The following STOX2 variants were observed in gnomAD, a reference collection of about 807,000 sequenced individuals.
The protein encoded by STOX2 is storkhead box 2.
In STOX2, 28 loss-of-function variants were observed where a neutral mutation model predicts 60.9. The observed-to-expected ratio is 0.46, with a 90% CI of 0.34 to 0.63. STOX2 has a LOEUF of 0.63. Among genes scored for constraint, STOX2 ranks in the 30% least tolerant of loss-of-function variants. STOX2 has a pLI of 0.01. For synonymous variants in STOX2, 472 were observed against 463.9 expected (o/e 1.02, Z -0.22); for missense variants, 1,024 against 1,187.7 (o/e 0.86, Z 2.03).
intron 1 of STOX2, among the ~76,000 whole-genome samples, chr4:183,853,131 A>C (rs781593625): frequency 3.9e-5 from 6 of 152,320 alleles, no homozygotes; most frequent in East Asian, 1.9e-4. Context: ...AATGAAATCA[A>C]AGTAAGGCAT....
At chr4:183,998,856 G>C (rs1282758944) in intron 1 of STOX2, among the ~76,000 whole-genome samples, 3 of 151,526 alleles carry the variant, frequency 2.0e-5, no homozygotes, top group Admixed American at 2.0e-4. Context: ...TTAGGTTTTA[G>C]AGTAAGACTT....
chr4:183,859,770 T>A (rs1740388164), intron 1 of STOX2, among the ~76,000 whole-genome samples: 1 of 152,274 alleles, frequency 6.6e-6, no homozygotes, highest in Non-Finnish European at 1.5e-5. Context: ...GTCACTGGGA[T>A]GATCCAAATG....
At chr4:183,931,083 T>C (rs1396085071) in intron 1 of STOX2, among the ~76,000 whole-genome samples, 2 of 152,130 alleles carry the variant, frequency 1.3e-5, no homozygotes, top group South Asian at 2.1e-4. Context: ...TTTTTCCTTG[T>C]AATTTCTCAA....
intron 1 of STOX2, among the ~76,000 whole-genome samples, chr4:183,812,883 A>C (rs1436490807): frequency 6.6e-6 from 1 of 152,200 alleles, no homozygotes; most frequent in Admixed American, 6.5e-5. Flanking sequence ...TTTTGTTCTC[A>C]TACCAAAAAG....
chr4:183,953,315 G>A (rs532244899), intron 1 of STOX2, among the ~76,000 whole-genome samples: 1 of 152,206 alleles, frequency 6.6e-6, no homozygotes, highest in South Asian at 2.1e-4. Context: ...ACACAGGGGT[G>A]GTATATGGGT....
Position 184,001,336 on chromosome 4 carries a change from C to G in STOX2, c.178C>G (p.Pro60Ala), listed in dbSNP as rs779216666. The G allele has an allele frequency of 1.3e-5, 21 of 1,613,654 alleles. No individual in the cohort carries two copies. The highest frequency in any genetic ancestry group is 1.8e-5 in the Non-Finnish European group (21 of 1,179,790). The change falls in exon 2 of 4, where the codon CCC becomes GCC. Residue 60 changes from proline to alanine, a missense_variant. Physicochemically the swap from Pro to Ala is conservative, Grantham distance 27 (BLOSUM62 -1). Around this residue, in one of 3 missense-constraint regions of STOX2, gnomAD observed 98 missense variants for 110.2 expected, o/e 0.89. Coordinates refer to ENST00000308497, the MANE Select transcript of STOX2 (RefSeq NM_020225.3). The surrounding 1 kb of genome is among the most constrained non-coding windows in gnomAD (Gnocchi z 4.2). Reference protein sequence around the residue: ...RGYMTSGDVSPISMSPISQSQ... With the variant: ...RGYMTSGDVSAISMSPISQSQ... The stretch of plus-strand genomic sequence containing the variant: ...TTGTCTTTCTGCAGGTGATGTATCA[C>G]CCATCAGTATGTCTCCCATCAGTCA...
intron 1 of STOX2, chr4:183,988,013 C>T (rs1199898356): frequency 6.6e-6 from 1 of 151,990 alleles, no homozygotes; most frequent in Admixed American, 6.6e-5. Context: ...TTACCTTTTT[C>T]ATGATTAAAA....
intron 1 of STOX2, among the ~76,000 whole-genome samples, chr4:183,973,204 A>G (rs1743793486): frequency 6.6e-6 from 1 of 152,234 alleles, no homozygotes; most frequent in South Asian, 2.1e-4. Flanking sequence ...TCAAAGACGT[A>G]AGCTTTTAAA....
chr4:183,892,833 GTAGGTA>G (rs3041837), intron 1 of STOX2, among the ~76,000 whole-genome samples: 137,403 of 152,104 alleles, frequency 0.9, 62,598 homozygotes, highest in Admixed American at 0.96. Flanking sequence ...CTACCAATTA[GTAGGTA>G]ACAGTTAGCA....
At chr4:183,858,986 G>A (rs1189368489) in intron 1 of STOX2, among the ~76,000 whole-genome samples, 2 of 152,064 alleles carry the variant, frequency 1.3e-5, no homozygotes, top group Non-Finnish European at 2.9e-5. Context: ...AAAAGCACAG[G>A]CAGCTTCCTA....
chr4:184,001,463 C>A lies in STOX2; in HGVS notation c.305C>A (p.Thr102Asn). 6.2e-7 allele frequency: 1 copy of A among 1,613,748 alleles called. No homozygotes were observed. The highest frequency in any genetic ancestry group is 1.1e-5 in the South Asian group (1 of 91,042). ...VTQEALMEHL[T>N]TCFPGVPTPS... is the part of the protein sequence containing the mutation. ...CAAGAAGCACTGATGGAGCACCTGACCACGTGCTTCCCAGGTAACGAGGCG... is the reference window on the plus strand; with the variant it reads ...CAAGAAGCACTGATGGAGCACCTGAACACGTGCTTCCCAGGTAACGAGGCG... Residue 102 changes from threonine to asparagine, a missense_variant, in exon 2 of 4, where the codon ACC becomes AAC. Coordinates refer to ENST00000308497, the MANE Select transcript of STOX2 (RefSeq NM_020225.3). The surrounding 1 kb of genome is among the most constrained non-coding windows in gnomAD (Gnocchi z 4.2).
chr4:184,009,374 C>T lies in STOX2; in HGVS notation c.536C>T (p.Thr179Met), dbSNP rs371082829. The change falls in exon 3 of 4, where the codon ACG becomes ATG. Residue 179 changes from threonine (T) to methionine (M), a missense_variant. Thr to Met is a moderately conservative substitution (Grantham distance 81, BLOSUM62 -1). This residue lies in a region of STOX2 where 922 missense variants were observed against 1,058.3 expected (regional missense o/e 0.87). Transcript: ENST00000308497. This position sits in a 1 kb window ranked among gnomAD's most constrained non-coding sequence, Gnocchi z 4.0. Reference sequence around the variant, plus strand: ...ACCTCTCCGCAACCCGGGACCATCACGCCCTCTGCCTCAGGCTGTGTCAGG... The same window carrying T: ...ACCTCTCCGCAACCCGGGACCATCATGCCCTCTGCCTCAGGCTGTGTCAGG... ...QCTSPQPGTI[T>M]PSASGCVRER... is the part of the protein sequence containing the mutation. The T allele has an allele frequency of 1.2e-5, 19 of 1,613,912 alleles. No homozygotes were observed. Among genetic ancestry groups the T allele is most frequent in the African/African-American group, 5.3e-5 (4 of 74,926 alleles).
At chr4:183,874,923 CAAAAAAAAAAAAAAA>C (rs869044658) in intron 1 of STOX2, among the ~76,000 whole-genome samples, 1 of 20,618 alleles carries the variant, frequency 4.9e-5, no homozygotes, top group African/African-American at 2.3e-4. Flanking sequence ...GACTCCGCCT[CAAAAAAAAAAAAAAA>C]AAAAAAAAAA....
At chr4:183,999,580 G>C (rs1389306130) in intron 1 of STOX2, among the ~76,000 whole-genome samples, 1 of 152,156 alleles carries the variant, frequency 6.6e-6, no homozygotes, top group Non-Finnish European at 1.5e-5. Context: ...CCAGGGAAAG[G>C]GGGGCGTTGA....
At chr4:183,923,441 G>A (rs1742156917) in intron 1 of STOX2, among the ~76,000 whole-genome samples, 1 of 152,164 alleles carries the variant, frequency 6.6e-6, no homozygotes, top group Admixed American at 6.5e-5. Context: ...TGTGTTGTCT[G>A]CTGCACAGAG....
chr4:183,953,426 C>G (rs560542143), intron 1 of STOX2, among the ~76,000 whole-genome samples: 14 of 152,308 alleles, frequency 9.2e-5, no homozygotes, highest in Admixed American at 9.2e-4. Flanking sequence ...TCCCCTCCCA[C>G]TAGAGGTCCT....
chr4:183,919,159 T>A (rs1043381792), intron 1 of STOX2, among the ~76,000 whole-genome samples: 2 of 152,200 alleles, frequency 1.3e-5, no homozygotes, highest in Non-Finnish European at 2.9e-5. Flanking sequence ...AGCATGCAGA[T>A]CTTGTTTTTC....
At chr4:183,955,121 T>C (rs929139545) in intron 1 of STOX2, among the ~76,000 whole-genome samples, 1 of 152,376 alleles carries the variant, frequency 6.6e-6, no homozygotes, top group East Asian at 1.9e-4. Context: ...TTTATTACTT[T>C]GGATTTTATC....
At chr4:183,868,138 A>G (rs1740613736) in intron 1 of STOX2, among the ~76,000 whole-genome samples, 1 of 149,462 alleles carries the variant, frequency 6.7e-6, no homozygotes, top group Non-Finnish European at 1.5e-5. Context: ...GTGGCATCTG[A>G]GGAGAAATGT....
Sources: gnomAD v4.1 joint callset for allele counts (sites outside exome capture counted in the v4.1 genomes callset) on GRCh38, gnomAD v4.1.1 for gene constraint, gnomAD v4.1.1 regional missense constraint, Gnocchi (gnomAD v3.1) non-coding constraint, MANE v1.5 for transcripts, NCBI Gene and HGNC (gene_info 2026-07-23, HGNC 2026-07-21) for gene names.